Variants in CFAP20DC observed in about 807,000 individuals in gnomAD.
The protein encoded by CFAP20DC is CFAP20 domain containing.
A neutral mutation model predicts 101.7 loss-of-function variants in CFAP20DC; 84 were observed. That is an observed-to-expected ratio of 0.83 (90% CI 0.69 to 0.99). CFAP20DC has a LOEUF of 0.99. Ranked by LOEUF, CFAP20DC falls within the 50% of genes least tolerant of loss-of-function variation. The probability of loss-of-function intolerance (pLI) is 0.00; values close to 1 mark genes in which losing one functional copy is unlikely to be tolerated. For synonymous variants in CFAP20DC, 359 were observed against 351.2 expected, an observed-to-expected ratio of 1.02 and a Z score of -0.25; for missense variants, 1,007 against 970.3, an observed-to-expected ratio of 1.04 and a Z score of -0.50.
chr3:58,936,736 G>C (rs1409406600), intron 5 of CFAP20DC, among the ~76,000 whole-genome samples: 1 of 152,092 alleles, frequency 6.6e-6, no homozygotes, highest in African/African-American at 2.4e-5. Flanking sequence ...AGAACACATG[G>C]ACACAGGAAG....
chr3:58,782,492 G>A (rs1281518230), intron 15 of CFAP20DC, among the ~76,000 whole-genome samples: 4 of 151,940 alleles, frequency 2.6e-5, no homozygotes, highest in African/African-American at 9.7e-5. Flanking sequence ...AAGTCAAATT[G>A]TTCCTGTTTG....
chr3:58,794,368 C>A, intron 15 of CFAP20DC: 1 of 455,218 alleles, frequency 2.2e-6, no homozygotes, highest in Non-Finnish European at 4.4e-6. Context: ...GTCAACAGAA[C>A]AATAATGATA....
chr3:58,775,265 T>C (rs953683779), intron 15 of CFAP20DC, among the ~76,000 whole-genome samples: 3 of 152,190 alleles, frequency 2.0e-5, no homozygotes, highest in Non-Finnish European at 1.5e-5. Context: ...TTGCCTTCTT[T>C]TGAGTGTCTG....
At chr3:58,928,697 C>T (rs950497961) in intron 5 of CFAP20DC, among the ~76,000 whole-genome samples, 3 of 152,128 alleles carry the variant, frequency 2.0e-5, no homozygotes, top group Non-Finnish European at 4.4e-5. Context: ...GAGGAGAACA[C>T]TACGGAAACA....
At chr3:58,845,177 G>A (rs1331209389) in intron 13 of CFAP20DC, among the ~76,000 whole-genome samples, 1 of 151,176 alleles carries the variant, frequency 6.6e-6, no homozygotes, top group East Asian at 1.9e-4. Flanking sequence ...CAGAACTGAA[G>A]GAAATAGAGA....
chr3:58,736,158 T>C (rs2067749906), intron 3 of CFAP20DC, among the ~76,000 whole-genome samples: 1 of 152,088 alleles, frequency 6.6e-6, no homozygotes, highest in Non-Finnish European at 1.5e-5. Flanking sequence ...AACACAAGTA[T>C]TGGAGGGAAA....
At chr3:58,842,577 G>C (rs1005857212) in intron 13 of CFAP20DC, among the ~76,000 whole-genome samples, 3 of 151,866 alleles carry the variant, frequency 2.0e-5, no homozygotes, top group East Asian at 1.9e-4. Context: ...AGGCGGCAGC[G>C]AGCTGGGGGA....
intron 7 of CFAP20DC, among the ~76,000 whole-genome samples, chr3:58,872,749 C>G (rs947473361): frequency 2.0e-5 from 3 of 152,062 alleles, no homozygotes; most frequent in Non-Finnish European, 4.4e-5. Flanking sequence ...GGTTATCTTT[C>G]TCTAAATATG....
At chr3:58,758,404 T>C (rs2069162140) in intron 15 of CFAP20DC, among the ~76,000 whole-genome samples, 1 of 152,068 alleles carries the variant, frequency 6.6e-6, no homozygotes, top group African/African-American at 2.4e-5. Flanking sequence ...TTCTGAACCA[T>C]TTCGTGGGTT....
At chr3:58,743,071 G>C (rs2067967916) in intron 16 of CFAP20DC, among the ~76,000 whole-genome samples, 1 of 152,096 alleles carries the variant, frequency 6.6e-6, no homozygotes, top group African/African-American at 2.4e-5. Flanking sequence ...AAGATACATA[G>C]AACAGACAAC....
chr3:58,929,743 T>C (rs1176873927), intron 5 of CFAP20DC, among the ~76,000 whole-genome samples: 1 of 152,212 alleles, frequency 6.6e-6, no homozygotes, highest in African/African-American at 2.4e-5. Context: ...CCAGTGGATC[T>C]GCCTACTGAA....
intron 16 of CFAP20DC, among the ~76,000 whole-genome samples, chr3:58,750,870 C>A (rs73078041): frequency 4.6e-5 from 7 of 152,078 alleles, no homozygotes; most frequent in Admixed American, 4.6e-4. Context: ...TTAAGAGCCA[C>A]GGCATAAGGT....
At chr3:58,985,990 T>A (rs1472294833) in intron 4 of CFAP20DC, among the ~76,000 whole-genome samples, 1 of 152,222 alleles carries the variant, frequency 6.6e-6, no homozygotes, top group East Asian at 1.9e-4. Flanking sequence ...TCACTCTCAT[T>A]CCCAGTTCAG....
chr3:58,948,366 T>C (rs1286285669), intron 4 of CFAP20DC, among the ~76,000 whole-genome samples: 3 of 152,224 alleles, frequency 2.0e-5, no homozygotes, highest in Non-Finnish European at 4.4e-5. Context: ...GATCTCCAGA[T>C]TTTAATCACA....
In CFAP20DC at chr3:58,717,553, C is replaced by T. The variant is rs1220521974; in HGVS notation, c.*35G>A. On this transcript the variant is annotated 3_prime_UTR_variant, in exon 4 of 4. Transcript: ENST00000486145. The surrounding 1 kb of genome is among the most constrained non-coding windows in gnomAD (Gnocchi z 4.1). ...AAGTGAGGACCCACACTTCCAGGTT[C>T]TTGTCCTGATATCTTTAGAGTGTGA... 2.3e-6 allele frequency: 1 copy of T among 442,416 alleles called. No individual in the cohort carries two copies. Among genetic ancestry groups the T allele is most frequent in the Admixed American group, 2.5e-5 (1 of 39,514 alleles). 27.4% of individuals were successfully genotyped at this position (442,416 alleles called of 1,614,324 possible). A position where few individuals can be genotyped will look rare whatever the true frequency, so the allele number is the denominator to read the frequency against.
intron 15 of CFAP20DC, among the ~76,000 whole-genome samples, chr3:58,782,822 A>C (rs2071965175): frequency 6.6e-6 from 1 of 152,134 alleles, no homozygotes; most frequent in Non-Finnish European, 1.5e-5. Context: ...TAATATTATT[A>C]AAATGACTGT....
intron 4 of CFAP20DC, among the ~76,000 whole-genome samples, chr3:59,033,371 C>T (rs1277248908): frequency 6.6e-6 from 1 of 152,030 alleles, no homozygotes; most frequent in African/African-American, 2.4e-5. Context: ...CAGAAGTAGG[C>T]TTGAGAAGGT....
intron 15 of CFAP20DC, among the ~76,000 whole-genome samples, chr3:58,796,748 T>C (rs553900278): frequency 1.2e-4 from 18 of 152,344 alleles, no homozygotes; most frequent in African/African-American, 4.1e-4. Flanking sequence ...TGAAGGTTTA[T>C]GGCACCCTGT....
At chr3:58,876,693 A>G (rs1200586048) in intron 7 of CFAP20DC, among the ~76,000 whole-genome samples, 1 of 152,214 alleles carries the variant, frequency 6.6e-6, no homozygotes, top group Admixed American at 6.5e-5. Flanking sequence ...GTCTCAAGAT[A>G]CAATGTTCTA....
Sources: gnomAD v4.1 joint callset for allele counts (sites outside exome capture counted in the v4.1 genomes callset) on GRCh38, gnomAD v4.1.1 for gene constraint, Gnocchi (gnomAD v3.1) non-coding constraint, MANE v1.5 for transcripts, NCBI Gene and HGNC (gene_info 2026-07-23, HGNC 2026-07-21) for gene names.